The following KIFAP3 variants were observed in gnomAD, a reference collection of about 807,000 sequenced individuals.
KIFAP3 encodes the protein kinesin-associated protein 3.
Under a neutral mutation model 106.5 loss-of-function variants are expected in KIFAP3, and 68 were observed. The observed-to-expected ratio is 0.64, with a 90% CI of 0.53 to 0.78. KIFAP3 has a LOEUF of 0.78. Among genes scored for constraint, KIFAP3 ranks in the 30% least tolerant of loss-of-function variants. KIFAP3 has a pLI of 0.00. For synonymous variants in KIFAP3, 320 were observed against 311.5 expected, an observed-to-expected ratio of 1.03 and a Z score of -0.29; for missense variants, 780 against 941.8, an observed-to-expected ratio of 0.83 and a Z score of 2.25.
At chr1:169,973,123 A>ATATATATATATATATATATATATATATAT (rs1553278139) in intron 16 of KIFAP3, among the ~76,000 whole-genome samples, 68 of 128,526 alleles carry the variant, frequency 5.3e-4, no homozygotes, top group African/African-American at 8.7e-4. Context: ...ATATATATAT[A>ATATATATATATATATATATATATATATAT]AACAACACAA....
At chr1:170,044,390 A>C (rs749318101) in intron 3 of KIFAP3, among the ~76,000 whole-genome samples, 1 of 152,190 alleles carries the variant, frequency 6.6e-6, no homozygotes, top group Non-Finnish European at 1.5e-5. Context: ...GGTAGGAACA[A>C]ATTCTCCATG....
intron 19 of KIFAP3, among the ~76,000 whole-genome samples, chr1:169,924,897 C>A (rs1663048845): frequency 6.6e-6 from 1 of 152,180 alleles, no homozygotes; most frequent in South Asian, 2.1e-4. Flanking sequence ...TCTGGAAAGA[C>A]TTGACTTCAA....
chr1:169,993,607 G>GA (rs369131207), intron 10 of KIFAP3, among the ~76,000 whole-genome samples: 67,967 of 67,968 alleles, frequency 1, 33,983 homozygotes, highest in Non-Finnish European at 1. Context: ...CAGTTTCCCA[G>GA]GGTCTAGCAA....
chr1:169,995,660 G>A (rs12135699), intron 10 of KIFAP3, among the ~76,000 whole-genome samples: 1 of 152,022 alleles, frequency 6.6e-6, no homozygotes, highest in Admixed American at 6.6e-5. Flanking sequence ...GAATGAAACA[G>A]GAAGCTATTC....
At chr1:169,947,013 A>G (rs915846473) in intron 19 of KIFAP3, among the ~76,000 whole-genome samples, 1 of 151,952 alleles carries the variant, frequency 6.6e-6, no homozygotes, top group African/African-American at 2.4e-5. Context: ...CCATCCCACA[A>G]GTTTAAGAGT....
At chr1:170,044,985 T>C (rs1045350908) in intron 3 of KIFAP3, among the ~76,000 whole-genome samples, 1 of 152,346 alleles carries the variant, frequency 6.6e-6, no homozygotes, top group East Asian at 1.9e-4. Context: ...CTCACAATTG[T>C]GGAAACTTCC....
upstream of KIFAP3, among the ~76,000 whole-genome samples, chr1:170,075,120 AAAACAAACAAAC>A (rs374280684): frequency 6.6e-6 from 1 of 152,124 alleles, no homozygotes; most frequent in Non-Finnish European, 1.5e-5. Context: ...TCCCCCAACC[AAAACAAACAAAC>A]AAACAAACAA....
chr1:169,967,247 C>T (rs918385945), intron 17 of KIFAP3, among the ~76,000 whole-genome samples: 9 of 151,826 alleles, frequency 5.9e-5, no homozygotes, highest in African/African-American at 2.2e-4. Context: ...TAAAGATACA[C>T]AGTACTTTCC....
At chr1:169,925,489 A>G (rs1199770954) in intron 19 of KIFAP3, among the ~76,000 whole-genome samples, 1 of 151,944 alleles carries the variant, frequency 6.6e-6, no homozygotes, top group Non-Finnish European at 1.5e-5. Context: ...CCATATCTAG[A>G]GTGTGTTTTT....
chr1:169,972,657 C>T lies in KIFAP3; in HGVS notation c.1898-59G>A, dbSNP rs535790451. The T allele has an allele frequency of 2.1e-5, 16 of 752,658 alleles. No homozygotes were observed. In the East Asian group the frequency reaches 4.4e-4, roughly 21 times the overall value. The allele number at this position is 752,658 out of a possible 1,614,324, so 46.6% of individuals were successfully genotyped here. On this transcript the variant is annotated intron_variant, in intron 16 of 19. Transcript: ENST00000361580. The stretch of plus-strand genomic sequence containing the variant: ...TTGATATTGTGGCTAGTCAATAATA[C>T]TACAAAAATCTCATATTTTTCTAAA...
chr1:169,936,482 T>C (rs1415126051), intron 19 of KIFAP3, among the ~76,000 whole-genome samples: 1 of 151,836 alleles, frequency 6.6e-6, no homozygotes, highest in Non-Finnish European at 1.5e-5. Context: ...TAAACACTAG[T>C]GAATTGTCAG....
intron 19 of KIFAP3, among the ~76,000 whole-genome samples, chr1:169,935,956 G>A (rs534238619): frequency 6.6e-6 from 1 of 151,980 alleles, no homozygotes; most frequent in African/African-American, 2.4e-5. Context: ...GGCTAATATT[G>A]GAAGATTGTG....
At chr1:170,029,752 A>T (rs1669299158) in intron 8 of KIFAP3, among the ~76,000 whole-genome samples, 1 of 152,024 alleles carries the variant, frequency 6.6e-6, no homozygotes, top group Non-Finnish European at 1.5e-5. Context: ...GGTAATGAAG[A>T]CACTGTGCTA....
At chr1:170,016,744 T>C in intron 9 of KIFAP3, 120 bp from the exon 10 acceptor site, 1 of 559,114 alleles carries the variant, frequency 1.8e-6, no homozygotes, top group Non-Finnish European at 2.9e-6. Flanking sequence ...TATATGTTAA[T>C]CTTATACTCC....
At chr1:170,032,037 T>C (rs1557851068) in intron 7 of KIFAP3, 53 bp from the exon 8 acceptor site, 2 of 986,802 alleles carry the variant, frequency 2.0e-6, no homozygotes, top group African/African-American at 1.6e-5. Context: ...AAAAATCTAC[T>C]GATAAATTCT....
chr1:169,996,210 C>A (rs1043127882), intron 10 of KIFAP3, among the ~76,000 whole-genome samples: 9 of 152,088 alleles, frequency 5.9e-5, no homozygotes, highest in Non-Finnish European at 1.3e-4. Context: ...AAGTTCCTTG[C>A]AGTTCTCCCA....
At chr1:169,987,165 A>C (rs553589647) in intron 11 of KIFAP3, among the ~76,000 whole-genome samples, 1 of 152,232 alleles carries the variant, frequency 6.6e-6, no homozygotes, top group South Asian at 2.1e-4. Flanking sequence ...CTATGATGGC[A>C]CTTCAAAAGT....
chr1:170,084,075 A>G (rs1052135203), intron 1 of KIFAP3, among the ~76,000 whole-genome samples: 1 of 152,210 alleles, frequency 6.6e-6, no homozygotes. Context: ...TGACAGAATC[A>G]TTTAAAGACG....
chr1:170,071,547 C>T (rs1671705562), intron 1 of KIFAP3, among the ~76,000 whole-genome samples: 2 of 152,128 alleles, frequency 1.3e-5, no homozygotes, highest in South Asian at 4.1e-4. Context: ...TTCATTATAA[C>T]ACAGTGGACA....
Sources: allele counts gnomAD v4.1 joint callset (sites outside exome capture counted in the v4.1 genomes callset), GRCh38; gene constraint gnomAD v4.1.1; transcripts MANE v1.5; gene names NCBI Gene and HGNC (gene_info 2026-07-23, HGNC 2026-07-21).